ANK1: variants seen among roughly 807,000 people sequenced by gnomAD.
The protein encoded by ANK1 is ankyrin 1.
ANK1 carries 51 observed loss-of-function variants against 210.4 expected under a neutral mutation model. The ratio of observed to expected loss-of-function variants is 0.24; its 90% CI spans 0.19 to 0.31. The LOEUF (loss-of-function observed/expected upper bound fraction) is 0.31. Ranked by LOEUF, ANK1 falls within the 10% of genes least tolerant of loss-of-function variation. ANK1 has a pLI of 1.00. For missense variants in ANK1, 2,051 were observed against 2,504.4 expected, an observed-to-expected ratio of 0.82 and a Z score of 3.86; for synonymous variants, 967 against 1,025.9, an observed-to-expected ratio of 0.94 and a Z score of 1.10.
intron 1 of ANK1, among the ~76,000 whole-genome samples, chr8:41,806,539 AC>A (rs1381098420): frequency 1.3e-5 from 2 of 152,170 alleles, no homozygotes; most frequent in African/African-American, 4.8e-5. Context: ...ACATGGCGAA[AC>A]CCTGTCTCTA....
chr8:41,836,375 C>T (rs149480823), intron 1 of ANK1, among the ~76,000 whole-genome samples: 1 of 152,270 alleles, frequency 6.6e-6, no homozygotes, highest in Non-Finnish European at 1.5e-5. Context: ...AGATTTCTTG[C>T]TCTGTCTCCT....
intron 7 of ANK1, among the ~76,000 whole-genome samples, 161 bp from the exon 8 acceptor site, chr8:41,723,794 T>A (rs1459903211): frequency 6.8e-6 from 1 of 147,846 alleles, no homozygotes; most frequent in African/African-American, 2.5e-5. Context: ...TATTTTTTAT[T>A]TTTTTTTTTT....
chr8:41,793,306 G>A (rs1243184971), intron 1 of ANK1, among the ~76,000 whole-genome samples: 1 of 152,216 alleles, frequency 6.6e-6, no homozygotes, highest in African/African-American at 2.4e-5. Flanking sequence ...CTTGAGCCCA[G>A]GAGTTGGAGG....
At chr8:41,874,571 G>A (rs578061763) in intron 1 of ANK1, among the ~76,000 whole-genome samples, 2 of 152,202 alleles carry the variant, frequency 1.3e-5, no homozygotes, top group African/African-American at 4.8e-5. Flanking sequence ...CAGGGCATGG[G>A]GTGGAGATGA....
At chr8:41,661,356 G>T in intron 42 of ANK1, 74 bp downstream of exon 42, 3 of 1,585,262 alleles carry the variant, frequency 1.9e-6, no homozygotes, top group Non-Finnish European at 2.6e-6. Flanking sequence ...GCTGGGAGGG[G>T]ATAGGGTGAG....
intron 17 of ANK1, among the ~76,000 whole-genome samples, chr8:41,708,415 T>C (rs1242113777): frequency 2.6e-5 from 4 of 152,292 alleles, no homozygotes; most frequent in African/African-American, 7.2e-5. Context: ...CCACGGAACA[T>C]AGAATATTTA....
At chr8:41,723,795 T>TC (rs1308978290) in intron 7 of ANK1, among the ~76,000 whole-genome samples, 162 bp from the exon 8 acceptor site, 1 of 149,568 alleles carries the variant, frequency 6.7e-6, no homozygotes, top group Non-Finnish European at 1.5e-5. Context: ...ATTTTTTATT[T>TC]TTTTTTTTTT....
chr8:41,788,064 C>A (rs1408847989), intron 1 of ANK1, among the ~76,000 whole-genome samples: 1 of 152,158 alleles, frequency 6.6e-6, no homozygotes, highest in African/African-American at 2.4e-5. Flanking sequence ...GCGTTGACAC[C>A]AGGCAGTGAG....
chr8:41,670,217 T>C (rs1811835343), intron 38 of ANK1, among the ~76,000 whole-genome samples: 1 of 152,084 alleles, frequency 6.6e-6, no homozygotes, highest in Non-Finnish European at 1.5e-5. Flanking sequence ...GGTAGAGACT[T>C]TTTTCTGTTT....
intron 1 of ANK1, among the ~76,000 whole-genome samples, chr8:41,885,193 G>A (rs1298394927): frequency 6.6e-6 from 1 of 152,200 alleles, no homozygotes; most frequent in Non-Finnish European, 1.5e-5. Flanking sequence ...AGCCTTAAAA[G>A]TTCTTCCTGA....
At chr8:41,698,430 T>C (rs1252434157) in intron 23 of ANK1, among the ~76,000 whole-genome samples, 1 of 152,250 alleles carries the variant, frequency 6.6e-6, no homozygotes, top group Non-Finnish European at 1.5e-5. Context: ...GTCCGTAAGT[T>C]GCTTACGGTC....
chr8:41,849,728 T>G (rs768384270), intron 1 of ANK1, among the ~76,000 whole-genome samples: 44 of 152,200 alleles, frequency 2.9e-4, no homozygotes, highest in Non-Finnish European at 4.0e-4. Flanking sequence ...GCTCTGTTAT[T>G]TCACCTAACA....
At chr8:41,833,673 T>C (rs973154795) in intron 1 of ANK1, among the ~76,000 whole-genome samples, 6 of 152,208 alleles carry the variant, frequency 3.9e-5, no homozygotes, top group African/African-American at 1.4e-4. Flanking sequence ...TGAAGGGCCC[T>C]ATCCATTCAT....
chr8:41,729,911 G>A (rs1204710075), intron 3 of ANK1, among the ~76,000 whole-genome samples: 3 of 152,188 alleles, frequency 2.0e-5, no homozygotes, highest in Non-Finnish European at 4.4e-5. Flanking sequence ...TCCACTCCAT[G>A]CTTCTGTCAA....
intron 4 of ANK1, 135 bp from the exon 5 acceptor site, chr8:41,727,483 C>T (rs966943577): frequency 1.5e-5 from 11 of 738,880 alleles, no homozygotes; most frequent in Non-Finnish European, 2.6e-5. Context: ...CCTAAGGAAA[C>T]TCATTGTCAT....
At chr8:41,834,834 A>G (rs1274720503) in intron 1 of ANK1, among the ~76,000 whole-genome samples, 1 of 152,226 alleles carries the variant, frequency 6.6e-6, no homozygotes, top group Non-Finnish European at 1.5e-5. Flanking sequence ...TGCTGGGTCT[A>G]AGCTCTGGAT....
At chr8:41,851,561 G>C (rs901191185) in intron 1 of ANK1, among the ~76,000 whole-genome samples, 1 of 152,228 alleles carries the variant, frequency 6.6e-6, no homozygotes, top group African/African-American at 2.4e-5. Context: ...AGTATTAAAA[G>C]CCCTAGCTGG....
At chr8:41,842,272 C>G (rs187645313) in intron 1 of ANK1, among the ~76,000 whole-genome samples, 1 of 152,202 alleles carries the variant, frequency 6.6e-6, no homozygotes, top group Non-Finnish European at 1.5e-5. Context: ...GTGGGCACAT[C>G]ATGAGGTCAG....
At chr8:41,872,443 G>T (rs1240052814) in intron 1 of ANK1, among the ~76,000 whole-genome samples, 1 of 152,234 alleles carries the variant, frequency 6.6e-6, no homozygotes, top group Non-Finnish European at 1.5e-5. Context: ...AGGAGCCACA[G>T]AAGCAGTGCA....
Sources: gnomAD v4.1 joint callset for allele counts (sites outside exome capture counted in the v4.1 genomes callset) on GRCh38, gnomAD v4.1.1 for gene constraint, MANE v1.5 for transcripts, NCBI Gene and HGNC (gene_info 2026-07-23, HGNC 2026-07-21) for gene names.